Variants in EXOC6 observed in about 807,000 individuals in gnomAD.
The protein encoded by EXOC6 is SEC15-like 1.
In EXOC6, 60 loss-of-function variants were observed where a neutral mutation model predicts 112.5. The observed-to-expected ratio is 0.53, with a 90% CI of 0.43 to 0.66. The LOEUF (loss-of-function observed/expected upper bound fraction) is 0.66. Ranked by LOEUF, EXOC6 falls within the 30% of genes least tolerant of loss-of-function variation. The probability of loss-of-function intolerance (pLI) is 0.00; values close to 1 mark genes in which losing one functional copy is unlikely to be tolerated. For synonymous variants in EXOC6, 295 were observed against 308.0 expected (o/e 0.96, Z 0.44); for missense variants, 855 against 957.1 (o/e 0.89, Z 1.41).
intron 1 of EXOC6, among the ~76,000 whole-genome samples, chr10:92,839,451 A>T (rs1223167699): frequency 1.3e-5 from 2 of 152,232 alleles, no homozygotes; most frequent in Non-Finnish European, 2.9e-5. Context: ...TATCGATTCA[A>T]TGCATTGGGA....
At chr10:92,832,662 G>A (rs931686888), upstream of EXOC6, among the ~76,000 whole-genome samples, 1 of 150,790 alleles carries the variant, frequency 6.6e-6, no homozygotes, top group Non-Finnish European at 1.5e-5. Flanking sequence ...TTATAATTTG[G>A]TATAAGTTTA....
intron 19 of EXOC6, among the ~76,000 whole-genome samples, chr10:93,001,558 A>G (rs555554692): frequency 1.3e-4 from 20 of 152,300 alleles, no homozygotes; most frequent in African/African-American, 4.8e-4. Flanking sequence ...GTAAAAGGAA[A>G]AAACCCTCTA....
intron 17 of EXOC6, among the ~76,000 whole-genome samples, chr10:92,962,670 C>T (rs532128482): frequency 2.5e-4 from 38 of 152,226 alleles, no homozygotes; most frequent in Middle Eastern, 6.8e-3. Context: ...TGGGATTACA[C>T]GTGTAAGCCG....
chr10:92,940,689 C>A, intron 12 of EXOC6, 38 bp from the exon 13 acceptor site: 1 of 1,343,358 alleles, frequency 7.4e-7, no homozygotes, highest in Non-Finnish European at 1.0e-6. Flanking sequence ...TATTTTTGTA[C>A]ACTTGTTTAT....
At chr10:92,865,821 T>C (rs1172048430) in intron 1 of EXOC6, among the ~76,000 whole-genome samples, 2 of 152,142 alleles carry the variant, frequency 1.3e-5, no homozygotes, top group Non-Finnish European at 2.9e-5. Flanking sequence ...TTTTCTATGT[T>C]ATGTTTATTA....
At chr10:92,910,845 C>T (rs989967130) in intron 6 of EXOC6, among the ~76,000 whole-genome samples, 9 of 124,598 alleles carry the variant, frequency 7.2e-5, no homozygotes, top group Non-Finnish European at 1.4e-4. Context: ...AGGAGAATGG[C>T]GTGAACCCAG....
At chr10:92,887,471 C>A (rs1849284879) in intron 1 of EXOC6, among the ~76,000 whole-genome samples, 1 of 140,202 alleles carries the variant, frequency 7.1e-6, no homozygotes, top group Non-Finnish European at 1.5e-5. Flanking sequence ...GATCTAGGCT[C>A]ACTGCAACCT....
rs117212553 is a variant in EXOC6 at position 92,956,040 on chromosome 10, A to G, written c.1773+326A>G. ...TCTATATGAGTGTTTATTTTTGAAA[A>G]TTTAAAATGTAAGACAAATTAAAAA... On this transcript the variant is annotated intron_variant, in intron 17 of 21. Transcript: ENST00000260762. Among the ~76,000 whole-genome samples the G allele has an allele frequency of 4.2e-3, 640 of 152,264 alleles. 7 individuals are homozygous for G. Among genetic ancestry groups the G allele is most frequent in the South Asian group, 0.01 (50 of 4,828 alleles).
Position 92,894,839 on chromosome 10 carries a change from G to T in EXOC6, c.319G>T (p.Glu107Ter). 6.2e-7 allele frequency: 1 copy of T among 1,613,462 alleles called. No homozygotes were observed. Among genetic ancestry groups the T allele is most frequent in the South Asian group, 1.1e-5 (1 of 91,026 alleles). ...TNRRFQDAGK[E>*]VIVHTEDIIR... ...CCGAAGGTTTCAAGATGCTGGAAAA[G>T]AGGTGAGAAAATGATACTTTTCTGG... Residue 107 changes from glutamate (E) to a stop codon, truncating the protein, a stop_gained and splice_region_variant, in exon 3 of 22, where the codon GAG (glutamate) becomes TAG (stop). Transcript: ENST00000260762. LOFTEE classifies it high-confidence loss of function.
chr10:92,948,298 C>T lies in EXOC6; in HGVS notation c.1335C>T (p.Tyr445=), dbSNP rs746534247. The T allele has an allele frequency of 5.0e-6, 8 of 1,607,532 alleles. No individual in the cohort carries two copies. Among genetic ancestry groups the T allele is most frequent in the African/African-American group, 2.7e-5 (2 of 74,572 alleles). The change falls in exon 14 of 22, where the codon TAC becomes TAT. Residue 445 remains tyrosine, a synonymous_variant. Coordinates refer to ENST00000260762, the MANE Select transcript of EXOC6 (RefSeq NM_019053.6). ...GGGACATTTTTGAAGAAGATAATTA[C>T]AGCCCCATCCCTGTTGTCAATGAAG... ...VFRDIFEEDN[Y]SPIPVVNEEE... is the part of the protein sequence containing the mutation.
At chr10:92,864,595 G>T (rs985710010) in intron 1 of EXOC6, among the ~76,000 whole-genome samples, 3 of 152,192 alleles carry the variant, frequency 2.0e-5, no homozygotes, top group African/African-American at 7.2e-5. Context: ...TGCATCAGTA[G>T]ACTGAGTAAA....
At chr10:93,040,301 T>C (rs1428083932) in intron 20 of EXOC6, among the ~76,000 whole-genome samples, 1 of 152,220 alleles carries the variant, frequency 6.6e-6, no homozygotes, top group East Asian at 1.9e-4. Context: ...CAGGCTGGAG[T>C]GCAGTGGCGT....
At chr10:93,014,506 C>T (rs1349073214) in intron 20 of EXOC6, among the ~76,000 whole-genome samples, 2 of 152,118 alleles carry the variant, frequency 1.3e-5, no homozygotes, top group Non-Finnish European at 2.9e-5. Flanking sequence ...TAGTCATTAC[C>T]TGCTAAGCAC....
intron 1 of EXOC6, among the ~76,000 whole-genome samples, chr10:92,880,479 C>G (rs1407625789): frequency 6.6e-6 from 1 of 152,022 alleles, no homozygotes; most frequent in African/African-American, 2.4e-5. Context: ...CTCTAGTGAG[C>G]CTGTTCTTTT....
intron 18 of EXOC6, among the ~76,000 whole-genome samples, chr10:92,987,004 G>A (rs1589980426): frequency 6.6e-6 from 1 of 151,810 alleles, no homozygotes; most frequent in Non-Finnish European, 1.5e-5. Flanking sequence ...GTCTTTCCTC[G>A]AGTAATTTAT....
chr10:92,845,240 C>T (rs576190729), upstream of EXOC6, among the ~76,000 whole-genome samples: 182 of 152,296 alleles, frequency 1.2e-3, no homozygotes, highest in African/African-American at 4.2e-3. Flanking sequence ...GCAACCTTCT[C>T]AGTGCAGACG....
intron 18 of EXOC6, among the ~76,000 whole-genome samples, chr10:92,974,557 G>GTCTCCCTCTCCCCACGGTCTCCCTCTCCC (rs1564876764): frequency 6.6e-6 from 1 of 151,734 alleles, no homozygotes; most frequent in East Asian, 1.9e-4. Context: ...TCCCTCTCCC[G>GTCTCCCTCTCCCCACGGTCTCCCTCTCCC]TCTCCCTCTC....
Position 92,934,321 on chromosome 10 carries a change from T to C in EXOC6, c.1031T>C (p.Val344Ala), listed in dbSNP as rs572227041. Residue 344 changes from valine to alanine, a missense_variant, in exon 11 of 22, where the codon GTA becomes GCA. Transcript: ENST00000260762. ...YFTQIVGFFV[V>A]EDHILHVTQG... ...ATTACTGTTTTTAGGTTCTTTGTGG[T>C]AGAAGATCACATTTTACATGTGACC... The C allele has an allele frequency of 2.5e-5, 39 of 1,583,372 alleles. No individual in the cohort carries two copies. In the South Asian group the frequency reaches 4.3e-4, roughly 17 times the overall value.
chr10:92,983,500 CTT>C lies in EXOC6; in HGVS notation c.1953+9285_1953+9286del, dbSNP rs11349490. Among the ~76,000 whole-genome samples the C allele has an allele frequency of 2.0e-3, 216 of 109,348 alleles. 2 individuals carry two copies. Among genetic ancestry groups the C allele is most frequent in the South Asian group, 0.012 (39 of 3,188 alleles). 71.7% of individuals were successfully genotyped at this position (109,348 alleles called of 152,430 possible). The stretch of plus-strand genomic sequence containing the variant: ...CTCTTCTATTTCTTTCTTTCTTCTT[CTT>C]TTTTTTTTTTTTTTTTGAGACAGAG... On this transcript the variant is annotated intron_variant, in intron 18 of 21. Transcript: ENST00000260762.
Sources: gnomAD v4.1 joint callset for allele counts (sites outside exome capture counted in the v4.1 genomes callset) on GRCh38, gnomAD v4.1.1 for gene constraint, MANE v1.5 for transcripts, NCBI Gene and HGNC (gene_info 2026-07-23, HGNC 2026-07-21) for gene names.